Variants in CDH2 observed in about 807,000 individuals in gnomAD.
The protein encoded by CDH2 is cadherin-2.
CDH2 carries 17 observed loss-of-function variants against 92.0 expected under a neutral mutation model. That is an observed-to-expected ratio of 0.18 (90% confidence interval 0.13 to 0.28). The LOEUF (loss-of-function observed/expected upper bound fraction) is 0.28, where lower values mean the gene tolerates loss of function less well. Among genes scored for constraint, CDH2 ranks in the 10% least tolerant of loss-of-function variants. The probability of loss-of-function intolerance (pLI) is 1.00; values close to 1 mark genes in which losing one functional copy is unlikely to be tolerated. For missense variants in CDH2, 862 were observed against 1,133.1 expected, an observed-to-expected ratio of 0.76 and a Z score of 3.44; for synonymous variants, 419 against 415.9, an observed-to-expected ratio of 1.01 and a Z score of -0.09.
chr18:28,133,383 A>G (rs1275180784), intron 2 of CDH2, among the ~76,000 whole-genome samples: 2 of 151,876 alleles, frequency 1.3e-5, no homozygotes, highest in African/African-American at 4.8e-5. Flanking sequence ...GGAGATCGAG[A>G]CCATCCTGGC....
At chr18:28,120,958 C>T (rs1568006355) in intron 2 of CDH2, among the ~76,000 whole-genome samples, 1 of 152,148 alleles carries the variant, frequency 6.6e-6, no homozygotes, top group Non-Finnish European at 1.5e-5. Flanking sequence ...GAATCTGACT[C>T]TACTCACAGG....
At chr18:27,977,479 G>C (rs1260826368) in intron 14 of CDH2, among the ~76,000 whole-genome samples, 1 of 152,048 alleles carries the variant, frequency 6.6e-6, no homozygotes, top group East Asian at 1.9e-4. Context: ...ATCAAAGACA[G>C]GTAAGATAAG....
At chr18:28,043,477 TATATATATATATATATAA>T (rs1396949852) in intron 2 of CDH2, among the ~76,000 whole-genome samples, 1,845 of 85,482 alleles carry the variant, frequency 0.022, 79 homozygotes, top group African/African-American at 0.076. Context: ...TATATATATA[TATATATATATATATATAA>T]ATATATATAT....
chr18:27,985,888 T>A (rs966829318), intron 11 of CDH2, 127 bp from the exon 12 acceptor site: 1 of 619,700 alleles, frequency 1.6e-6, no homozygotes, highest in Non-Finnish European at 2.8e-6. Flanking sequence ...AAAACATAGT[T>A]GCTATGGCAT....
intron 2 of CDH2, among the ~76,000 whole-genome samples, chr18:28,136,038 G>C (rs989666661): frequency 6.6e-6 from 1 of 152,176 alleles, no homozygotes; most frequent in Non-Finnish European, 1.5e-5. Flanking sequence ...CCCAGAACCT[G>C]AGAATTTCCT....
intron 1 of CDH2, among the ~76,000 whole-genome samples, chr18:28,150,245 G>T (rs184525486): frequency 3.0e-4 from 45 of 152,290 alleles, no homozygotes; most frequent in Admixed American, 2.8e-3. Flanking sequence ...GAAACGCCGT[G>T]GCCAGAAGCC....
chr18:27,988,854 G>A (rs1419309138), intron 10 of CDH2, among the ~76,000 whole-genome samples, 188 bp from the exon 11 acceptor site: 1 of 152,168 alleles, frequency 6.6e-6, no homozygotes, highest in African/African-American at 2.4e-5. Flanking sequence ...GGTTGTGTTT[G>A]GTCAGGCATG....
rs2012194784 is a variant in CDH2 at position 27,985,320 on chromosome 18, C to A, written c.1976-87G>T. On this transcript the variant is annotated intron_variant, in intron 12 of 15. Transcript: ENST00000269141. ...AGCATTGTTCAGGATGTATTTACTA[C>A]CTAATAGTACACATAAAGCGGATTA... The A allele has an allele frequency of 1.6e-5, 13 of 837,442 alleles. No individual in the cohort carries two copies. In the South Asian group the frequency reaches 2.0e-4, roughly 13 times the overall value. The allele number at this position is 837,442 out of a possible 1,614,324, so 51.9% of individuals were successfully genotyped here.
At chr18:28,130,148 A>G (rs114297402) in intron 2 of CDH2, among the ~76,000 whole-genome samples, 277 of 152,350 alleles carry the variant, frequency 1.8e-3, no homozygotes, top group African/African-American at 6.4e-3. Context: ...AGGTTTCAAT[A>G]AATATTAGTC....
intron 2 of CDH2, among the ~76,000 whole-genome samples, chr18:28,045,807 C>G (rs2014063707): frequency 6.6e-6 from 1 of 152,150 alleles, no homozygotes; most frequent in South Asian, 2.1e-4. Flanking sequence ...CAGAGCCCGG[C>G]ACAAAACAGG....
chr18:28,036,415 T>C lies in CDH2; in HGVS notation c.173-22506A>G. 5 of 849,474 alleles carry C rather than the reference T, an allele frequency of 5.9e-6. No homozygotes were observed. The South Asian group carries it at 6.8e-5, about 12-fold the overall frequency. The allele number at this position is 849,474 out of a possible 1,614,324, so 52.6% of individuals were successfully genotyped here. On this transcript the variant is annotated intron_variant, in intron 2 of 15. Coordinates refer to ENST00000269141, the MANE Select transcript of CDH2 (RefSeq NM_001792.5). The stretch of plus-strand genomic sequence containing the variant: ...GTCTTCTCATTTTATGTTACTTTGT[T>C]TTCCAAGTTAACTAAATCACCATGT...
chr18:28,100,076 T>C (rs1483454017), intron 2 of CDH2, among the ~76,000 whole-genome samples: 1 of 152,192 alleles, frequency 6.6e-6, no homozygotes, highest in Non-Finnish European at 1.5e-5. Context: ...TTTGGGGCAC[T>C]GGATAAACAC....
At chr18:28,043,595 C>A (rs113514080) in intron 2 of CDH2, among the ~76,000 whole-genome samples, 7,665 of 148,028 alleles carry the variant, frequency 0.052, 686 homozygotes, top group African/African-American at 0.18. Context: ...TGGCTGATGG[C>A]ACTGAGTTTT....
chr18:28,167,273 AT>A (rs916279555), intron 1 of CDH2, among the ~76,000 whole-genome samples: 1 of 152,150 alleles, frequency 6.6e-6, no homozygotes, highest in Non-Finnish European at 1.5e-5. Flanking sequence ...CTGAAGTGAT[AT>A]TGCCAAACTA....
intron 2 of CDH2, among the ~76,000 whole-genome samples, chr18:28,136,932 C>T (rs767574573): frequency 6.6e-6 from 1 of 152,084 alleles, no homozygotes; most frequent in African/African-American, 2.4e-5. Context: ...CCCAGAATAA[C>T]TCTTAAGAAC....
chr18:28,081,996 A>G (rs995308525), intron 2 of CDH2, among the ~76,000 whole-genome samples: 1 of 152,202 alleles, frequency 6.6e-6, no homozygotes, highest in African/African-American at 2.4e-5. Flanking sequence ...CAAGTCACAT[A>G]ATAAGTCCAA....
chr18:27,981,684 G>GT (rs1182664251), intron 14 of CDH2, among the ~76,000 whole-genome samples: 1 of 152,186 alleles, frequency 6.6e-6, no homozygotes, highest in African/African-American at 2.4e-5. Flanking sequence ...AAAATGAAAA[G>GT]TGATATATCA....
chr18:27,985,387 C>G (rs1437116447), intron 12 of CDH2, 141 bp downstream of exon 12: 5 of 798,252 alleles, frequency 6.3e-6, no homozygotes, highest in African/African-American at 5.2e-5. Flanking sequence ...CCGTAAAGGC[C>G]TTTAATATCT....
At chr18:27,947,150 T>C (rs1441011685), downstream of CDH2, among the ~76,000 whole-genome samples, 5 of 151,070 alleles carry the variant, frequency 3.3e-5, no homozygotes, top group Non-Finnish European at 4.4e-5. Flanking sequence ...GTCAGGAAAA[T>C]CCAAGAGAAT....
Sources: gnomAD v4.1 joint callset for allele counts (sites outside exome capture counted in the v4.1 genomes callset) on GRCh38, gnomAD v4.1.1 for gene constraint, MANE v1.5 for transcripts, NCBI Gene and HGNC (gene_info 2026-07-23, HGNC 2026-07-21) for gene names.